Variants in GNAQ observed in about 807,000 individuals in gnomAD.
The protein encoded by GNAQ is guanine nucleotide-binding protein G(q) subunit alpha.
GNAQ carries 8 observed loss-of-function variants against 43.9 expected under a neutral mutation model. The ratio of observed to expected loss-of-function variants is 0.18; its 90% CI spans 0.11 to 0.33. The LOEUF (loss-of-function observed/expected upper bound fraction) is 0.33, where lower values mean the gene tolerates loss of function less well. Among genes scored for constraint, GNAQ ranks in the 10% least tolerant of loss-of-function variants. The pLI is 1.00. For missense variants in GNAQ, 158 were observed against 450.8 expected, an observed-to-expected ratio of 0.35 and a Z score of 5.88; for synonymous variants, 155 against 170.7, an observed-to-expected ratio of 0.91 and a Z score of 0.71.
At chr9:77,826,278 C>A (rs1276412442) in intron 2 of GNAQ, among the ~76,000 whole-genome samples, 1 of 152,140 alleles carries the variant, frequency 6.6e-6, no homozygotes, top group Non-Finnish European at 1.5e-5. Flanking sequence ...TGAGTTTGCA[C>A]CCTACCCCCA....
chr9:77,753,132 T>C (rs1359329784), intron 5 of GNAQ, among the ~76,000 whole-genome samples: 2 of 151,476 alleles, frequency 1.3e-5, no homozygotes, highest in African/African-American at 4.9e-5. Context: ...GAAGATTTAG[T>C]TGGCTTCACT....
chr9:77,922,636 A>C (rs1829015517), intron 1 of GNAQ, among the ~76,000 whole-genome samples: 1 of 152,212 alleles, frequency 6.6e-6, no homozygotes, highest in African/African-American at 2.4e-5. Context: ...TGTATCTTGC[A>C]AGAAACAATG....
Position 77,797,640 on chromosome 9 carries a change from T to G in GNAQ, c.485A>C (p.Asn162Thr), listed in dbSNP as rs2118456776. The change falls in exon 4 of 7, where the codon AAT becomes ACT. Residue 162 changes from asparagine (N) to threonine (T), a missense_variant. Around this residue, in one of 9 missense-constraint regions of GNAQ, gnomAD observed 14 missense variants for 16.3 expected, o/e 0.86. Transcript: ENST00000286548. ...QLSDSTKYYL[N>T]DLDRVADPAY... Reference sequence around the variant, plus strand: ...AGGGTCAGCTACGCGGTCCAAGTCATTAAGATAGCTAGAGGAGGGAAGACA... The same window carrying G: ...AGGGTCAGCTACGCGGTCCAAGTCAGTAAGATAGCTAGAGGAGGGAAGACA... 6.2e-7 allele frequency: 1 copy of G among 1,613,466 alleles called. No individual in the cohort carries two copies. Among genetic ancestry groups the G allele is most frequent in the Middle Eastern group, 1.7e-4 (1 of 6,058 alleles).
At chr9:77,914,570 G>A (rs909620658) in intron 2 of GNAQ, among the ~76,000 whole-genome samples, 3 of 152,160 alleles carry the variant, frequency 2.0e-5, no homozygotes, top group African/African-American at 7.2e-5. Context: ...GCTGAGGCAG[G>A]AGAATCGCTT....
intron 1 of GNAQ, among the ~76,000 whole-genome samples, chr9:78,024,325 G>A (rs10747027): frequency 0.31 from 47,178 of 151,982 alleles, 7,608 homozygotes; most frequent in South Asian, 0.44. Context: ...GAAAATGGAG[G>A]ACATATGGAT....
intron 1 of GNAQ, among the ~76,000 whole-genome samples, chr9:78,011,557 T>TA (rs1823773028): frequency 6.6e-6 from 1 of 152,084 alleles, no homozygotes; most frequent in Non-Finnish European, 1.5e-5. Context: ...TAGGACATTC[T>TA]AAAAAATAAG....
chr9:77,915,640 T>C (rs1295291982), intron 2 of GNAQ, among the ~76,000 whole-genome samples: 2 of 61,888 alleles, frequency 3.2e-5, no homozygotes, highest in Non-Finnish European at 6.0e-5. Context: ...CAATTGAAGC[T>C]GGCGGGGGTG....
intron 2 of GNAQ, 75 bp downstream of exon 2, chr9:77,922,086 G>A: frequency 1.0e-6 from 1 of 965,266 alleles, no homozygotes; most frequent in Non-Finnish European, 1.6e-6. Context: ...CATGTCAAGA[G>A]GCTACTCGTG....
Position 77,719,801 on chromosome 9 carries a change from C to G in GNAQ, c.*1522G>C, listed in dbSNP as rs1191404127. 2 of 232,628 alleles carry G rather than the reference C, an allele frequency of 8.6e-6. No individual in the cohort carries two copies. The highest frequency in any genetic ancestry group is 4.4e-5 in the African/African-American group (2 of 45,298). 14.4% of individuals were successfully genotyped at this position (232,628 alleles called of 1,614,324 possible). A position where few individuals can be genotyped will look rare whatever the true frequency, so the allele number is the denominator to read the frequency against. ...TTCCAAACATTTCTCCTGGTAGGTT[C>G]AGTTACACAAATACATGTTCTATAG... is the stretch of plus-strand genomic sequence containing the variant. On this transcript the variant is annotated 3_prime_UTR_variant, in exon 7 of 7. Transcript: ENST00000286548.
chr9:77,947,230 C>T (rs1021807387), intron 1 of GNAQ, among the ~76,000 whole-genome samples: 2 of 152,200 alleles, frequency 1.3e-5, no homozygotes, highest in Non-Finnish European at 2.9e-5. Flanking sequence ...CATTTATTTA[C>T]TGGAATGAGG....
chr9:77,778,225 AC>A, intron 5 of GNAQ, among the ~76,000 whole-genome samples: 1 of 150,068 alleles, frequency 6.7e-6, no homozygotes, highest in Non-Finnish European at 1.5e-5. Context: ...ACACACACAC[AC>A]ACACACACAC....
At chr9:77,901,707 GT>G (rs1330200740) in intron 2 of GNAQ, among the ~76,000 whole-genome samples, 1 of 152,158 alleles carries the variant, frequency 6.6e-6, no homozygotes, top group Non-Finnish European at 1.5e-5. Flanking sequence ...TACTTTTACA[GT>G]TTCAGTCTAG....
intron 1 of GNAQ, among the ~76,000 whole-genome samples, chr9:77,992,296 T>G (rs1823517466): frequency 6.6e-6 from 1 of 152,210 alleles, no homozygotes. Flanking sequence ...GTCAACTACC[T>G]TAATTTCCGT....
chr9:77,814,604 C>A (rs111783402), intron 3 of GNAQ, among the ~76,000 whole-genome samples: 1 of 152,106 alleles, frequency 6.6e-6, no homozygotes, highest in African/African-American at 2.4e-5. Flanking sequence ...AAAAGCATGA[C>A]AATTTTACTG....
chr9:77,881,169 T>G (rs1045028662), intron 2 of GNAQ, among the ~76,000 whole-genome samples: 5 of 152,100 alleles, frequency 3.3e-5, no homozygotes, highest in Admixed American at 3.3e-4. Flanking sequence ...CTACACAAAT[T>G]ATGTTTACCA....
intron 2 of GNAQ, among the ~76,000 whole-genome samples, chr9:77,887,971 C>T (rs145180021): frequency 1.3e-5 from 2 of 152,344 alleles, no homozygotes; most frequent in East Asian, 1.9e-4. Flanking sequence ...AATCGGGATG[C>T]TCCTGGAGAC....
At chr9:78,026,107 T>G (rs1823976618) in intron 1 of GNAQ, among the ~76,000 whole-genome samples, 1 of 152,174 alleles carries the variant, frequency 6.6e-6, no homozygotes, top group Non-Finnish European at 1.5e-5. Flanking sequence ...TTATTTATAT[T>G]AAAATGGCTA....
chr9:77,895,286 A>G (rs1370024616), intron 2 of GNAQ, among the ~76,000 whole-genome samples: 2 of 151,934 alleles, frequency 1.3e-5, no homozygotes, highest in Non-Finnish European at 2.9e-5. Context: ...TTCATTTAAT[A>G]CCCACCCTGT....
At chr9:77,817,895 A>G (rs924304515) in intron 2 of GNAQ, among the ~76,000 whole-genome samples, 1 of 152,192 alleles carries the variant, frequency 6.6e-6, no homozygotes, top group African/African-American at 2.4e-5. Flanking sequence ...ATGAAGATGA[A>G]TGATCCCTCC....
Sources: allele counts gnomAD v4.1 joint callset (sites outside exome capture counted in the v4.1 genomes callset), GRCh38; gene constraint gnomAD v4.1.1; regional missense constraint gnomAD v4.1.1; transcripts MANE v1.5; gene names NCBI Gene and HGNC (gene_info 2026-07-23, HGNC 2026-07-21).